The following MLIP variants were observed in gnomAD, a reference collection of about 807,000 sequenced individuals.
MLIP encodes the protein muscular LMNA-interacting protein.
MLIP carries 79 observed loss-of-function variants against 84.8 expected under a neutral mutation model. The observed-to-expected ratio is 0.93, with a 90% CI of 0.78 to 1.12. The LOEUF is 1.12. Ranked by LOEUF, MLIP falls within the 50% of genes most tolerant of loss-of-function variation. MLIP has a pLI of 0.00. For missense variants in MLIP, 1,257 were observed against 1,160.6 expected (o/e 1.08, Z -1.21); for synonymous variants, 504 against 463.0 (o/e 1.09, Z -1.14).
chr6:54,109,570 T>C (rs1769267539), upstream of MLIP, among the ~76,000 whole-genome samples: 1 of 152,020 alleles, frequency 6.6e-6, no homozygotes, highest in South Asian at 2.1e-4. Flanking sequence ...TCTCTTTGCT[T>C]GAAATACTTG....
intron 1 of MLIP, among the ~76,000 whole-genome samples, chr6:54,041,705 T>C (rs1764751169): frequency 6.6e-6 from 1 of 152,164 alleles, no homozygotes; most frequent in Non-Finnish European, 1.5e-5. Context: ...ATGTGCAGAC[T>C]TTCCATTTGT....
chr6:54,089,453 A>G (rs1373714825), intron 1 of MLIP, among the ~76,000 whole-genome samples: 1 of 152,096 alleles, frequency 6.6e-6, no homozygotes, highest in Non-Finnish European at 1.5e-5. Context: ...GGAGTACAGA[A>G]TGTCGCTCAA....
At chr6:54,246,775 A>G (rs185183547) in intron 12 of MLIP, among the ~76,000 whole-genome samples, 426 of 152,176 alleles carry the variant, frequency 2.8e-3, no homozygotes, top group African/African-American at 0.01. Flanking sequence ...ATTCGTATTT[A>G]TATCCTTGTA....
At chr6:54,038,960 A>G (rs1336778253) in intron 1 of MLIP, among the ~76,000 whole-genome samples, 2 of 151,952 alleles carry the variant, frequency 1.3e-5, no homozygotes, top group Admixed American at 6.6e-5. Flanking sequence ...CTCGCCAAAG[A>G]CATCATATAA....
intron 10 of MLIP, among the ~76,000 whole-genome samples, chr6:54,197,336 A>T (rs1778368321): frequency 6.6e-6 from 1 of 152,032 alleles, no homozygotes; most frequent in Non-Finnish European, 1.5e-5. Flanking sequence ...ATTCAACAGG[A>T]TTGTGAACCC....
chr6:54,232,740 G>A (rs1057463521), intron 12 of MLIP, among the ~76,000 whole-genome samples: 1 of 152,116 alleles, frequency 6.6e-6, no homozygotes, highest in East Asian at 1.9e-4. Context: ...GACATAATCT[G>A]TTATTTAATT....
At chr6:54,236,289 G>C (rs1781356171) in intron 12 of MLIP, among the ~76,000 whole-genome samples, 1 of 151,772 alleles carries the variant, frequency 6.6e-6, no homozygotes, top group African/African-American at 2.4e-5. Context: ...CTTTCTTGCT[G>C]TCATGCTGTA....
At chr6:54,073,676 C>A (rs1375847179) in intron 1 of MLIP, among the ~76,000 whole-genome samples, 1 of 152,196 alleles carries the variant, frequency 6.6e-6, no homozygotes, top group Admixed American at 6.5e-5. Context: ...ATTTCTAACA[C>A]ATTCTCAGGT....
intron 10 of MLIP, among the ~76,000 whole-genome samples, chr6:54,195,930 A>G (rs1778263083): frequency 6.6e-6 from 1 of 152,158 alleles, no homozygotes; most frequent in Non-Finnish European, 1.5e-5. Flanking sequence ...AATGAAGAAG[A>G]TTAAAATCGT....
chr6:54,154,403 G>A (rs1773800098), intron 5 of MLIP, among the ~76,000 whole-genome samples: 1 of 152,152 alleles, frequency 6.6e-6, no homozygotes, highest in African/African-American at 2.4e-5. Context: ...GAAGTAAGCT[G>A]GCACTTTTGA....
At chr6:54,194,338 A>G (rs1003806871) in intron 10 of MLIP, among the ~76,000 whole-genome samples, 1 of 152,142 alleles carries the variant, frequency 6.6e-6, no homozygotes, top group Non-Finnish European at 1.5e-5. Flanking sequence ...TTTTTCCTTG[A>G]CATAACGTAC....
At chr6:54,055,166 G>T (rs115738440) in intron 1 of MLIP, among the ~76,000 whole-genome samples, 5 of 152,286 alleles carry the variant, frequency 3.3e-5, no homozygotes, top group Non-Finnish European at 5.9e-5. Context: ...GACTACTGGC[G>T]TGAGCCACCG....
intron 2 of MLIP, among the ~76,000 whole-genome samples, chr6:54,123,213 G>A (rs1424534348): frequency 3.9e-5 from 6 of 152,096 alleles, no homozygotes; most frequent in Non-Finnish European, 4.4e-5. Flanking sequence ...GGGATTACAG[G>A]CTTGAGCCAC....
At chr6:54,123,007 C>T (rs1004827223) in intron 2 of MLIP, among the ~76,000 whole-genome samples, 8 of 151,930 alleles carry the variant, frequency 5.3e-5, no homozygotes, top group South Asian at 2.1e-4. Context: ...TCTCGGCTCA[C>T]TGCAAGCTCC....
chr6:54,023,215 A>G (rs1763608600), intron 1 of MLIP, among the ~76,000 whole-genome samples: 1 of 151,480 alleles, frequency 6.6e-6, no homozygotes, highest in African/African-American at 2.4e-5. Context: ...AGAAGAGTAT[A>G]TGATTCAACT....
chr6:54,138,456 T>C (rs901558631), intron 4 of MLIP, among the ~76,000 whole-genome samples, 170 bp downstream of exon 4: 8 of 152,178 alleles, frequency 5.3e-5, no homozygotes, highest in Non-Finnish European at 1.0e-4. Flanking sequence ...GTAAATGAAT[T>C]ATAATCTGTA....
chr6:54,075,771 G>T (rs539486130), intron 1 of MLIP, among the ~76,000 whole-genome samples: 3 of 152,216 alleles, frequency 2.0e-5, no homozygotes, highest in Admixed American at 6.5e-5. Flanking sequence ...TGGTCTCTCA[G>T]GTCACCAAGG....
chr6:54,194,230 C>T (rs1231941709), intron 10 of MLIP, among the ~76,000 whole-genome samples: 1 of 152,000 alleles, frequency 6.6e-6, no homozygotes, highest in South Asian at 2.1e-4. Flanking sequence ...TTCTGAGGGC[C>T]CTTTTAAGGC....
intron 12 of MLIP, among the ~76,000 whole-genome samples, chr6:54,239,800 A>AAAAAT (rs575220785): frequency 3.9e-4 from 59 of 150,684 alleles, no homozygotes; most frequent in African/African-American, 1.3e-3. Context: ...ATAAAAAATA[A>AAAAAT]AAAATAAAAT....
Sources: gnomAD v4.1 joint callset for allele counts (sites outside exome capture counted in the v4.1 genomes callset) on GRCh38, gnomAD v4.1.1 for gene constraint, MANE v1.5 for transcripts, NCBI Gene and HGNC (gene_info 2026-07-23, HGNC 2026-07-21) for gene names.